Variants in TRIO observed in about 807,000 individuals in gnomAD.
TRIO encodes triple functional domain protein.
A neutral mutation model predicts 351.9 loss-of-function variants in TRIO; 58 were observed. The observed-to-expected ratio is 0.16, with a 90% CI of 0.13 to 0.21. The LOEUF (loss-of-function observed/expected upper bound fraction) is 0.21, where lower values mean the gene tolerates loss of function less well. Ranked by LOEUF, TRIO falls within the 10% of genes least tolerant of loss-of-function variation. The pLI is 1.00. For synonymous variants in TRIO, 1,758 were observed against 1,595.7 expected (o/e 1.10, Z -2.42); for missense variants, 3,201 against 4,027.8 (o/e 0.79, Z 5.56).
At chr5:14,204,353 T>C (rs1791329251) in intron 1 of TRIO, among the ~76,000 whole-genome samples, 1 of 152,124 alleles carries the variant, frequency 6.6e-6, no homozygotes, top group South Asian at 2.1e-4. Context: ...GGGAGTTCTT[T>C]TCCTTGGTCG....
chr5:14,286,778 G>C lies in TRIO; in HGVS notation c.348-93G>C, dbSNP rs1736478360. On this transcript the variant is annotated intron_variant, in intron 3 of 56. Coordinates refer to ENST00000344204, the MANE Select transcript of TRIO (RefSeq NM_007118.4). This position sits in a 1 kb window ranked among gnomAD's most constrained non-coding sequence, Gnocchi z 4.4. ...GCCTCCGCACGTGTCCAGCAGGGGAGGGAAGCTGGGTCTGTGGCACCCAGT... is the reference window on the plus strand; with the variant it reads ...GCCTCCGCACGTGTCCAGCAGGGGACGGAAGCTGGGTCTGTGGCACCCAGT... 1 of 1,367,302 alleles carries C rather than the reference G, an allele frequency of 7.3e-7. No homozygotes were observed. Among genetic ancestry groups the C allele is most frequent in the Non-Finnish European group, 1.0e-6 (1 of 1,000,940 alleles). 84.7% of individuals were successfully genotyped at this position (1,367,302 alleles called of 1,614,324 possible).
Position 14,151,066 on chromosome 5 carries a change from C to T in TRIO, c.157+7184C>T, listed in dbSNP as rs1054234036. Among the ~76,000 whole-genome samples, 8 of 152,308 alleles carry T rather than the reference C, an allele frequency of 5.3e-5. No individual in the cohort carries two copies. In the South Asian group the frequency reaches 1.7e-3, roughly 32 times the overall value. On this transcript the variant is annotated intron_variant, in intron 1 of 56. Coordinates refer to ENST00000344204, the MANE Select transcript of TRIO (RefSeq NM_007118.4). ...CAAGTGGCCCATGCAGGATGATCTT[C>T]AGCGCCTCACAGTTCCTGGTGCGAA...
chr5:14,369,247 C>T, intron 17 of TRIO, 127 bp from the exon 18 acceptor site: 2 of 1,357,862 alleles, frequency 1.5e-6, no homozygotes, highest in Non-Finnish European at 2.0e-6. Context: ...GCCCATGGCT[C>T]CTTCTTATGG....
chr5:14,182,946 C>T (rs1214724007), intron 1 of TRIO, among the ~76,000 whole-genome samples: 1 of 151,950 alleles, frequency 6.6e-6, no homozygotes, highest in African/African-American at 2.4e-5. Context: ...GCCTGCAGGC[C>T]TGGCTGTAGC....
At chr5:14,288,451 G>A (rs1000742825) in intron 4 of TRIO, among the ~76,000 whole-genome samples, 4 of 151,860 alleles carry the variant, frequency 2.6e-5, no homozygotes, top group South Asian at 2.1e-4. Flanking sequence ...GGCGGACCAC[G>A]AGGTCAGGAG....
rs1030442513 is a variant in TRIO at position 14,270,837 on chromosome 5, A to C, written c.170A>C (p.Asn57Thr). The C allele has an allele frequency of 3.1e-6, 5 of 1,613,968 alleles. No individual in the cohort carries two copies. Among genetic ancestry groups the C allele is most frequent in the Non-Finnish European group, 3.4e-6 (4 of 1,179,950 alleles). The change falls in exon 2 of 57, where the codon AAC (asparagine) becomes ACC (threonine). Residue 57 changes from asparagine (N) to threonine (T), a missense_variant. This residue lies in a region of TRIO where 109 missense variants were observed against 134.6 expected (regional missense o/e 0.81). Transcript: ENST00000344204. Reference protein sequence around the residue: ...AAFFRSGFRKNDEMKAMDVLP... With the variant: ...AAFFRSGFRKTDEMKAMDVLP... ...TTCTGTATTTCAGGGTTTCGAAAAA[A>C]CGATGAAATGAAAGCTATGGATGTT... is the stretch of plus-strand genomic sequence containing the variant.
At chr5:14,348,938 G>C (rs1262692535) in intron 11 of TRIO, among the ~76,000 whole-genome samples, 1 of 148,522 alleles carries the variant, frequency 6.7e-6, no homozygotes, top group Non-Finnish European at 1.5e-5. Context: ...TGTTTTTCCT[G>C]TATGTGTGTA....
Position 14,340,743 on chromosome 5 carries a change from G to A in TRIO, c.2046+4016G>A, listed in dbSNP as rs192071503. Among the ~76,000 whole-genome samples, 16 of 152,300 alleles carry A rather than the reference G, an allele frequency of 1.1e-4. No individual in the cohort carries two copies. The East Asian group carries it at 2.7e-3, about 26-fold the overall frequency. On this transcript the variant is annotated intron_variant, in intron 11 of 56. Transcript: ENST00000344204. ...TGCCGGAAGTCTTGTTGAAGACCAG[G>A]CTCTTAGACTCCAAAAACTGAGACC...
chr5:14,165,942 T>C (rs1025344451), intron 1 of TRIO, among the ~76,000 whole-genome samples: 6 of 152,256 alleles, frequency 3.9e-5, no homozygotes, highest in Admixed American at 3.9e-4. Flanking sequence ...GCCTTTCTTC[T>C]GTAAATGGAC....
rs915775173 is a variant in TRIO, at chr5:14,481,595, G to A, written c.6442G>A (p.Val2148Met). Residue 2148 changes from valine (V) to methionine (M), a missense_variant, in exon 45 of 57, where the codon GTG becomes ATG. Around this residue, in one of 19 missense-constraint regions of TRIO, gnomAD observed 307 missense variants for 396.5 expected, o/e 0.77. Transcript: ENST00000344204. ...CAGGCGGTGCAACGACATGATGAAC[G>A]TGGGGCGGCTGCAAGGATTCGACGT... ...VPRRCNDMMN[V>M]GRLQGFDGKI... 6 of 1,613,914 alleles carry A rather than the reference G, an allele frequency of 3.7e-6. No individual in the cohort carries two copies. Among genetic ancestry groups the A allele is most frequent in the African/African-American group, 1.3e-5 (1 of 74,860 alleles).
chr5:14,158,413 G>A (rs1010791408), intron 1 of TRIO, among the ~76,000 whole-genome samples: 5 of 150,028 alleles, frequency 3.3e-5, no homozygotes, highest in Admixed American at 3.3e-4. Context: ...GGCAGAGTGA[G>A]ACTCCGCCTC....
At chr5:14,320,940 C>A (rs1873428) in intron 9 of TRIO, among the ~76,000 whole-genome samples, 1 of 152,154 alleles carries the variant, frequency 6.6e-6, no homozygotes, top group Non-Finnish European at 1.5e-5. Context: ...ATGAAACTTG[C>A]GACCTCTTCT....
At chr5:14,451,641 C>G (rs1752857791) in intron 34 of TRIO, among the ~76,000 whole-genome samples, 1 of 152,234 alleles carries the variant, frequency 6.6e-6, no homozygotes, top group African/African-American at 2.4e-5. Context: ...TACACCGGGA[C>G]TGCCCTCTTT....
Position 14,488,236 on chromosome 5 carries a change from C to G in TRIO, c.7608C>G (p.Ser2536=), listed in dbSNP as rs373630440. The stretch of plus-strand genomic sequence containing the variant: ...CGTGCTCCTCGGCCAGCGAGCAGTC[C>G]GTGCAGTCCACCCAGAGCAACGGGG... The part of the protein sequence containing the change: ...MSTCSSASEQ[S]VQSTQSNGSE... Residue 2536 remains serine, a synonymous_variant, in exon 48 of 57, where the codon TCC becomes TCG. Transcript: ENST00000344204. The G allele has an allele frequency of 1.9e-6, 3 of 1,583,174 alleles. No individual in the cohort carries two copies. The highest frequency in any genetic ancestry group is 1.3e-5 in the African/African-American group (1 of 74,710).
chr5:14,221,115 A>G (rs566094778), intron 1 of TRIO, among the ~76,000 whole-genome samples: 13 of 152,212 alleles, frequency 8.5e-5, no homozygotes, highest in African/African-American at 3.1e-4. Context: ...TGCTGAATCT[A>G]CTCTGCCTAT....
chr5:14,273,963 C>A (rs756195455), intron 2 of TRIO, among the ~76,000 whole-genome samples: 1 of 152,184 alleles, frequency 6.6e-6, no homozygotes, highest in Non-Finnish European at 1.5e-5. Flanking sequence ...TATATTTCCA[C>A]TTAGTCTTCC....
At chr5:14,455,833 T>C (rs1487764681) in intron 34 of TRIO, among the ~76,000 whole-genome samples, 1 of 152,236 alleles carries the variant, frequency 6.6e-6, no homozygotes, top group Non-Finnish European at 1.5e-5. Context: ...TGGCTTTGCC[T>C]AGTGGATCCT....
intron 1 of TRIO, among the ~76,000 whole-genome samples, chr5:14,186,767 G>T (rs977511155): frequency 6.6e-6 from 1 of 151,942 alleles, no homozygotes; most frequent in Non-Finnish European, 1.5e-5. Context: ...TAGTAGAGAT[G>T]AGGTTTCACC....
chr5:14,445,792 C>T (rs748704613), intron 34 of TRIO, among the ~76,000 whole-genome samples: 23 of 152,300 alleles, frequency 1.5e-4, no homozygotes, highest in Non-Finnish European at 2.5e-4. Context: ...CAGAAGCAGG[C>T]GTGCAGTTGA....
Sources: gnomAD v4.1 joint callset for allele counts (sites outside exome capture counted in the v4.1 genomes callset) on GRCh38, gnomAD v4.1.1 for gene constraint, gnomAD v4.1.1 regional missense constraint, Gnocchi (gnomAD v3.1) non-coding constraint, MANE v1.5 for transcripts, NCBI Gene and HGNC (gene_info 2026-07-23, HGNC 2026-07-21) for gene names.